Variants in RPL8 observed in about 807,000 individuals in gnomAD.
The protein encoded by RPL8 is ribosomal protein L8, also known as large ribosomal subunit protein uL2.
For missense variants in RPL8, 248 were observed against 365.9 expected, an observed-to-expected ratio of 0.68 and a Z score of 2.63; for synonymous variants, 182 against 143.2, an observed-to-expected ratio of 1.27 and a Z score of -1.94.
intron 2 of RPL8, 44 bp downstream of exon 2, chr8:144,791,729 G>T: frequency 6.2e-7 from 1 of 1,611,400 alleles, no homozygotes; most frequent in South Asian, 1.1e-5. Flanking sequence ...GCAACACCCA[G>T]ACCCCTCCCC....
intron 4 of RPL8, among the ~76,000 whole-genome samples, 193 bp from the exon 5 acceptor site, chr8:144,790,155 G>C (rs1045463080): frequency 6.6e-6 from 1 of 152,172 alleles, no homozygotes; most frequent in Non-Finnish European, 1.5e-5. Context: ...TTCTTGCGGA[G>C]AAACGGTGAA....
At chr8:144,791,937 T>A in intron 1 of RPL8, 23 bp from the exon 2 acceptor site, 1 of 1,610,330 alleles carries the variant, frequency 6.2e-7, no homozygotes, top group Non-Finnish European at 8.5e-7. Context: ...GCGGCGTGAG[T>A]GCGGCGTTCC....
Position 144,792,380 on chromosome 8 carries a change from G to C in RPL8, c.-251C>G, listed in dbSNP as rs1266936034. On this transcript the variant is annotated 5_prime_UTR_variant, in exon 1 of 5. Coordinates refer to ENST00000528957, the MANE Select transcript of RPL8 (RefSeq NM_001317782.2). ...GGATGACCTACCTGTTCACCAGCGCGGCCGAAAGAGGAAACACGGCGTCAG... is the reference window on the plus strand; with the variant it reads ...GGATGACCTACCTGTTCACCAGCGCCGCCGAAAGAGGAAACACGGCGTCAG... 1 of 654,808 alleles carries C rather than the reference G, an allele frequency of 1.5e-6. No homozygotes were observed. The highest frequency in any genetic ancestry group is 2.2e-6 in the Non-Finnish European group (1 of 460,624). 40.6% of individuals were successfully genotyped at this position (654,808 alleles called of 1,614,324 possible). A position where few individuals can be genotyped will look rare whatever the true frequency, so the allele number is the denominator to read the frequency against.
Position 144,792,182 on chromosome 8 carries a change from A to ACC in RPL8, c.-55_-54dup. ...ATTAGCGCGGCCGGGCGGCCCGGGT[A>ACC]CCCCCGCCAGCCCGGCTTTCCGGGA... On this transcript the variant is annotated 5_prime_UTR_variant, in exon 1 of 5. It removes the in-frame stop codon of an upstream open reading frame in the 5' UTR. Coordinates refer to ENST00000528957, the MANE Select transcript of RPL8 (RefSeq NM_001317782.2). 9 of 1,406,456 alleles carry ACC rather than the reference A, an allele frequency of 6.4e-6. No homozygotes were observed. The South Asian group carries it at 1.2e-4, about 19-fold the overall frequency. 87.1% of individuals were successfully genotyped at this position (1,406,456 alleles called of 1,614,324 possible).
rs998019642 is a variant in RPL8, at chr8:144,790,591, G to A, written c.500-121C>T. ...CAACTACCCAGCAAAAAGCCCACTCGCCTCCACCCTAGGGAGCCCCTTGCA... is the reference window on the plus strand; with the variant it reads ...CAACTACCCAGCAAAAAGCCCACTCACCTCCACCCTAGGGAGCCCCTTGCA... On this transcript the variant is annotated intron_variant, in intron 3 of 4. Coordinates refer to ENST00000528957, the MANE Select transcript of RPL8 (RefSeq NM_001317782.2). 19 of 771,090 alleles carry A rather than the reference G, an allele frequency of 2.5e-5. 1 individual carries two copies. The Middle Eastern group carries it at 6.8e-4, about 28-fold the overall frequency. The allele number at this position is 771,090 out of a possible 1,614,324, so 47.8% of individuals were successfully genotyped here.
In RPL8 at chr8:144,791,914, C is replaced by T. The variant is rs1427190012; in HGVS notation, c.139G>A (p.Asp47Asn). Residue 47 changes from aspartate to asparagine, a missense_variant and splice_region_variant, in exon 2 of 5, where the codon GAC (aspartate) becomes AAC (asparagine). Transcript: ENST00000528957. ...CCGCGGCCCGGGTCGTGGATGATGT[C>T]CTGTGGGCAGAGGCGGCGTGAGTGC... ...RHGYIKGIVK[D>N]IIHDPGRGAP... 3.7e-6 allele frequency: 6 copies of T among 1,613,032 alleles called. No individual in the cohort carries two copies. Among genetic ancestry groups the T allele is most frequent in the Non-Finnish European group, 5.1e-6 (6 of 1,179,828 alleles).
chr8:144,792,325 G>A lies in RPL8; in HGVS notation c.-196C>T. The A allele has an allele frequency of 4.7e-6, 4 of 843,796 alleles. No individual in the cohort carries two copies. The highest frequency in any genetic ancestry group is 6.6e-6 in the Non-Finnish European group (4 of 610,034). 52.3% of individuals were successfully genotyped at this position (843,796 alleles called of 1,614,324 possible). On this transcript the variant is annotated 5_prime_UTR_variant, in exon 1 of 5. Transcript: ENST00000528957. ...GCGCGCCTCACGGAAGAGGATGGCG[G>A]CGGATACTGCCCATGCCGCAAGGCC... is the stretch of plus-strand genomic sequence containing the variant.
chr8:144,790,550 T>C (rs1826469659), intron 3 of RPL8, 80 bp from the exon 4 acceptor site: 5 of 1,058,682 alleles, frequency 4.7e-6, no homozygotes, highest in Non-Finnish European at 5.9e-6. Flanking sequence ...GTCATGCACC[T>C]TCCCAATACT....
chr8:144,791,620 G>C, intron 2 of RPL8, 125 bp from the exon 3 acceptor site: 4 of 1,469,188 alleles, frequency 2.7e-6, no homozygotes, highest in Non-Finnish European at 3.7e-6. Context: ...CAACTCTCTC[G>C]GCACCCACCG....
rs956133090 is a variant in RPL8, at chr8:144,791,711, C to A, written c.280+62G>T. The stretch of plus-strand genomic sequence containing the variant: ...TTCCCATATCGGCTTAGGACGTTAA[C>A]TCCTCAGGCAACACCCAGACCCCTC... On this transcript the variant is annotated intron_variant, in intron 2 of 4. Coordinates refer to ENST00000528957, the MANE Select transcript of RPL8 (RefSeq NM_001317782.2). 1.4e-5 allele frequency: 22 copies of A among 1,607,122 alleles called. No individual in the cohort carries two copies. In the South Asian group the frequency reaches 1.9e-4, roughly 14 times the overall value.
intron 4 of RPL8, 129 bp downstream of exon 4, chr8:144,790,226 A>G: frequency 1.2e-6 from 1 of 828,082 alleles, no homozygotes; most frequent in Non-Finnish European, 2.0e-6. Flanking sequence ...CGTGACTACA[A>G]ACCACCACCT....
At chr8:144,790,544 T>G (rs1035556287) in intron 3 of RPL8, 74 bp from the exon 4 acceptor site, 1 of 1,140,362 alleles carries the variant, frequency 8.8e-7, no homozygotes, top group African/African-American at 1.5e-5. Context: ...TCTCCTGTCA[T>G]GCACCTTCCC....
In RPL8 at chr8:144,790,478, G is replaced by A. The variant is rs762017131; in HGVS notation, c.500-8C>T. 14 of 1,608,880 alleles carry A rather than the reference G, an allele frequency of 8.7e-6. No individual in the cohort carries two copies. Among genetic ancestry groups the A allele is most frequent in the Non-Finnish European group, 1.2e-5 (14 of 1,175,510 alleles). ...CACCTCCAGCCACCACACCTGTAGG[G>A]GATCAGATACCTCAGGGAACCCCCA... On this transcript the variant is annotated splice_region_variant and splice_polypyrimidine_tract_variant and intron_variant, in intron 3 of 4. Coordinates refer to ENST00000528957, the MANE Select transcript of RPL8 (RefSeq NM_001317782.2).
At chr8:144,790,027 T>A in intron 4 of RPL8, 65 bp from the exon 5 acceptor site, 1 of 1,500,298 alleles carries the variant, frequency 6.7e-7, no homozygotes, top group Non-Finnish European at 8.9e-7. Flanking sequence ...GGCCTCGGGG[T>A]CCCACCCGTC....
intron 3 of RPL8, 147 bp from the exon 4 acceptor site, chr8:144,790,617 C>T: frequency 2.9e-6 from 2 of 698,894 alleles, no homozygotes; most frequent in Non-Finnish European, 5.2e-6. Flanking sequence ...GCCCCTTGCA[C>T]CCTGTGAGCT....
chr8:144,791,973 C>A lies in RPL8; in HGVS notation c.138+19G>T, dbSNP rs1164773569. The stretch of plus-strand genomic sequence containing the variant: ...GGCCGGGCGTCCCTTCCCCTCCCGC[C>A]CCGGCCAGCGTTCCGCACCTTGACG... On this transcript the variant is annotated intron_variant, in intron 1 of 4. Transcript: ENST00000528957. 2 of 1,609,472 alleles carry A rather than the reference C, an allele frequency of 1.2e-6. No individual in the cohort carries two copies. The highest frequency in any genetic ancestry group is 2.2e-5 in the South Asian group (2 of 90,842).
At position 144,792,288 on chromosome 8, in the gene RPL8, G is replaced by T; in HGVS notation, c.-159C>A. The T allele has an allele frequency of 9.1e-7, 1 of 1,095,790 alleles. No individual in the cohort carries two copies. The highest frequency in any genetic ancestry group is 1.7e-5 in the African/African-American group (1 of 60,304). The allele number at this position is 1,095,790 out of a possible 1,614,324, so 67.9% of individuals were successfully genotyped here. On this transcript the variant is annotated 5_prime_UTR_variant, in exon 1 of 5. Coordinates refer to ENST00000528957, the MANE Select transcript of RPL8 (RefSeq NM_001317782.2). ...CACCGGCATCCTCTCAGGAGGGCCG[G>T]TCCGGGTCTCAGCGCGCCTCACGGA...
intron 3 of RPL8, 171 bp downstream of exon 3, chr8:144,791,106 T>A: frequency 1.6e-6 from 1 of 643,760 alleles, no homozygotes. Flanking sequence ...TTGTGCCTGT[T>A]GTACAGTGAT....
At chr8:144,790,029 C>A in intron 4 of RPL8, 67 bp from the exon 5 acceptor site, 1 of 1,502,772 alleles carries the variant, frequency 6.7e-7, no homozygotes, top group East Asian at 2.4e-5. Context: ...CCTCGGGGTC[C>A]CACCCGTCAG....
Sources: allele counts gnomAD v4.1 joint callset (sites outside exome capture counted in the v4.1 genomes callset), GRCh38; gene constraint gnomAD v4.1.1; transcripts MANE v1.5; gene names NCBI Gene and HGNC (gene_info 2026-07-23, HGNC 2026-07-21).